OTOGL: variants seen among roughly 807,000 people sequenced by gnomAD.
OTOGL encodes the protein otogelin-like protein.
A neutral mutation model predicts 318.5 loss-of-function variants in OTOGL; 285 were observed. The observed-to-expected ratio is 0.89, with a 90% confidence interval of 0.81 to 0.99. The LOEUF (loss-of-function observed/expected upper bound fraction) is 0.99. Ranked by LOEUF, OTOGL falls within the 50% of genes least tolerant of loss-of-function variation. The pLI, the probability that OTOGL is intolerant of heterozygous loss-of-function variation, is 0.00. For synonymous variants in OTOGL, 987 were observed against 936.5 expected (o/e 1.05, Z -0.99); for missense variants, 2,899 against 2,845.6 (o/e 1.02, Z -0.43).
rs1471905975 is a variant in OTOGL, at chr12:80,355,732, T to C, written c.5594-4T>C. 1.2e-6 allele frequency: 2 copies of C among 1,606,714 alleles called. No homozygotes were observed. The highest frequency in any genetic ancestry group is 3.4e-5 in the Admixed American group (2 of 59,020). On this transcript the variant is annotated splice_polypyrimidine_tract_variant and splice_region_variant and intron_variant, in intron 46 of 58. Coordinates refer to ENST00000547103, the MANE Select transcript of OTOGL (RefSeq NM_001378609.3). ...AGTGTTATAATACTGTTGATCTTTTTAAGCATGCACTGATAGTGAAGACCA... is the reference window on the plus strand; with the variant it reads ...AGTGTTATAATACTGTTGATCTTTTCAAGCATGCACTGATAGTGAAGACCA...
chr12:80,339,316 T>TTC (rs1555300240), intron 43 of OTOGL, 52 bp downstream of exon 43: 3 of 1,417,934 alleles, frequency 2.1e-6, no homozygotes, highest in Admixed American at 4.6e-5. Flanking sequence ...TTTTTTTTTT[T>TTC]TTTTTTTCTA....
In OTOGL at chr12:80,163,312, G is replaced by A. The variant is rs532567335; in HGVS notation, c.-19-46101G>A. ...CCATTGCATTATCATTTGGAGAGAA[G>A]AAAGAGAAAGAGGAAACAAATAGTG... On this transcript the variant is annotated intron_variant, in intron 1 of 58. Transcript: ENST00000547103. Among the ~76,000 whole-genome samples, 9 of 152,010 alleles carry A rather than the reference G, an allele frequency of 5.9e-5. No homozygotes were observed. The South Asian group carries it at 1.7e-3, about 28-fold the overall frequency.
intron 57 of OTOGL, among the ~76,000 whole-genome samples, chr12:80,373,143 G>T (rs973978985): frequency 6.6e-6 from 1 of 152,044 alleles, no homozygotes; most frequent in African/African-American, 2.4e-5. Context: ...TAGGAAAGGG[G>T]CACAACAAAG....
chr12:80,253,412 A>C, intron 13 of OTOGL, 54 bp from the exon 14 acceptor site: 1 of 1,474,802 alleles, frequency 6.8e-7, no homozygotes, highest in Non-Finnish European at 9.5e-7. Flanking sequence ...TATTCCAGAA[A>C]TACAATCTTT....
chr12:80,303,587 A>G (rs1245797623), intron 28 of OTOGL, among the ~76,000 whole-genome samples: 1 of 152,208 alleles, frequency 6.6e-6, no homozygotes, highest in East Asian at 1.9e-4. Flanking sequence ...TTTATAAAGA[A>G]AAGAGGTTTA....
intron 26 of OTOGL, among the ~76,000 whole-genome samples, chr12:80,287,663 TC>T (rs1434385827): frequency 6.6e-6 from 1 of 151,986 alleles, no homozygotes; most frequent in Non-Finnish European, 1.5e-5. Flanking sequence ...TCTTTCTTTG[TC>T]TTTTTTGATC....
chr12:80,322,490 A>G (rs965649157), intron 34 of OTOGL, among the ~76,000 whole-genome samples: 2 of 152,176 alleles, frequency 1.3e-5, no homozygotes, highest in Non-Finnish European at 2.9e-5. Context: ...GAGACGAGTA[A>G]CTCAAGTTCA....
rs574634632 is a variant in OTOGL at position 80,332,956 on chromosome 12, C to G, written c.4349-49C>G. On this transcript the variant is annotated intron_variant, in intron 37 of 58. Transcript: ENST00000547103. ...GTTTCTGTCACATATCAATTCCATG[C>G]AAGATAAATGCATTCCACTAATGAG... The G allele has an allele frequency of 2.8e-6, 4 of 1,424,032 alleles. No homozygotes were observed. The East Asian group carries it at 9.8e-5, about 35-fold the overall frequency. The allele number at this position is 1,424,032 out of a possible 1,614,324, so 88.2% of individuals were successfully genotyped here. A position where few individuals can be genotyped will look rare whatever the true frequency, so the allele number is the denominator to read the frequency against.
chr12:80,207,967 A>T (rs1249495224), intron 1 of OTOGL, among the ~76,000 whole-genome samples: 2 of 152,186 alleles, frequency 1.3e-5, no homozygotes, highest in Admixed American at 6.6e-5. Flanking sequence ...AGAGTAAGAG[A>T]CTAGTAACCT....
rs1408949180 is a variant in OTOGL at position 80,307,061 on chromosome 12, C to T, written c.3333+1366C>T. Among the ~76,000 whole-genome samples, 3 of 149,558 alleles carry T rather than the reference C, an allele frequency of 2.0e-5. No individual in the cohort carries two copies. The East Asian group carries it at 5.8e-4, about 29-fold the overall frequency. On this transcript the variant is annotated intron_variant, in intron 29 of 58. Transcript: ENST00000547103. ...CTGTTTAACAAAGCACATCTTGCAC[C>T]GCCCTTAATCCATTCAACCCTGAGT... is the stretch of plus-strand genomic sequence containing the variant.
intron 57 of OTOGL, among the ~76,000 whole-genome samples, chr12:80,375,513 T>C (rs906374242): frequency 6.6e-6 from 1 of 152,066 alleles, no homozygotes; most frequent in African/African-American, 2.4e-5. Flanking sequence ...AAAAATAATG[T>C]AGAATAAAAG....
chr12:80,295,508 T>C lies in OTOGL; in HGVS notation c.2929-1319T>C, dbSNP rs1233952495. On this transcript the variant is annotated intron_variant, in intron 26 of 58. Coordinates refer to ENST00000547103, the MANE Select transcript of OTOGL (RefSeq NM_001378609.3). ...TGCCAAACATTTAATGACTTTTTCT[T>C]ACTATGAAAATAAATGCTGACCCAT... 1.3e-5 allele frequency among the ~76,000 whole-genome samples: 2 copies of C among 152,176 alleles called. 1 individual carries two copies. Among genetic ancestry groups the C allele is most frequent in the Non-Finnish European group, 2.9e-5 (2 of 68,034 alleles).
intron 35 of OTOGL, among the ~76,000 whole-genome samples, chr12:80,324,948 G>A (rs1484802428): frequency 1.3e-5 from 2 of 152,156 alleles, no homozygotes; most frequent in Non-Finnish European, 2.9e-5. Context: ...TCAGGATCTG[G>A]AGTTTGATAT....
rs1592751512 is a variant in OTOGL, at chr12:80,357,054, A to G, written c.6019+140A>G. ...ATTCAACTGAATGAGAACTCTTGTA[A>G]AGAAAGTATGACATTTTAAATGACT... On this transcript the variant is annotated intron_variant, in intron 49 of 58. Coordinates refer to ENST00000547103, the MANE Select transcript of OTOGL (RefSeq NM_001378609.3). The G allele has an allele frequency of 8.4e-6, 4 of 474,962 alleles. No individual in the cohort carries two copies. The East Asian group carries it at 1.4e-4, about 16-fold the overall frequency. The allele number at this position is 474,962 out of a possible 1,614,324, so 29.4% of individuals were successfully genotyped here. A position where few individuals can be genotyped will look rare whatever the true frequency, so the allele number is the denominator to read the frequency against.
chr12:80,219,656 C>T (rs1002837217), intron 5 of OTOGL, among the ~76,000 whole-genome samples, 158 bp from the exon 6 acceptor site: 1 of 152,156 alleles, frequency 6.6e-6, no homozygotes, highest in Non-Finnish European at 1.5e-5. Flanking sequence ...TAGATAGAGA[C>T]TTGTTGGGTT....
intron 1 of OTOGL, among the ~76,000 whole-genome samples, chr12:80,149,332 C>G (rs1225356801): frequency 6.6e-6 from 1 of 151,890 alleles, no homozygotes; most frequent in African/African-American, 2.4e-5. Context: ...GTCAGTGTGC[C>G]CCTGCTGGGG....
chr12:80,317,776 A>G (rs937193755), intron 32 of OTOGL, among the ~76,000 whole-genome samples: 1 of 152,108 alleles, frequency 6.6e-6, no homozygotes, highest in Non-Finnish European at 1.5e-5. Flanking sequence ...TCATGGAGAA[A>G]CACTGCATTT....
intron 57 of OTOGL, among the ~76,000 whole-genome samples, chr12:80,376,483 C>T (rs550008792): frequency 1.1e-4 from 16 of 152,174 alleles, no homozygotes; most frequent in African/African-American, 2.9e-4. Flanking sequence ...TGTAATAGCA[C>T]GTGATAATCC....
intron 44 of OTOGL, among the ~76,000 whole-genome samples, chr12:80,345,723 G>T (rs1411377284): frequency 1.3e-5 from 2 of 152,054 alleles, no homozygotes; most frequent in Non-Finnish European, 2.9e-5. Context: ...CTATAAAAAA[G>T]TTTGAGAATA....
Sources: allele counts gnomAD v4.1 joint callset (sites outside exome capture counted in the v4.1 genomes callset), GRCh38; gene constraint gnomAD v4.1.1; transcripts MANE v1.5; gene names NCBI Gene and HGNC (gene_info 2026-07-23, HGNC 2026-07-21).